The following TFEC variants were observed in gnomAD, a reference collection of about 807,000 sequenced individuals.
TFEC encodes the protein transcription factor EC, also known as class E basic helix-loop-helix protein 34.
Under a neutral mutation model 41.6 loss-of-function variants are expected in TFEC, and 31 were observed. The observed-to-expected ratio is 0.74, with a 90% CI of 0.56 to 1.01. The LOEUF is 1.01. Among genes scored for constraint, TFEC ranks in the 50% least tolerant of loss-of-function variants. The pLI is 0.00. For missense variants in TFEC, 402 were observed against 404.1 expected, an observed-to-expected ratio of 0.99 and a Z score of 0.04; for synonymous variants, 143 against 140.6, an observed-to-expected ratio of 1.02 and a Z score of -0.12.
intron 1 of TFEC, among the ~76,000 whole-genome samples, chr7:115,999,935 T>C (rs1794523572): frequency 6.9e-6 from 1 of 145,858 alleles, no homozygotes; most frequent in Admixed American, 6.8e-5. Context: ...TTCTGAAAAA[T>C]AAAGGAGGAG....
At position 115,935,726 on chromosome 7, in the gene TFEC, T is replaced by G. The variant is rs1793198044; in HGVS notation, c.*4825A>C. On this transcript the variant is annotated 3_prime_UTR_variant, in exon 8 of 8. Transcript: ENST00000265440. Reference sequence around the variant, plus strand: ...CAGTGACAATATAGAATTTTTGCAATAAAACAGTAGTGCAGGGATAAAAGA... The same window carrying G: ...CAGTGACAATATAGAATTTTTGCAAGAAAACAGTAGTGCAGGGATAAAAGA... The G allele has an allele frequency of 6.6e-6, 1 of 151,554 alleles. No homozygotes were observed. Among genetic ancestry groups the G allele is most frequent in the Non-Finnish European group, 1.5e-5 (1 of 67,568 alleles). The allele number at this position is 151,554 out of a possible 1,614,324, so 9.4% of individuals were successfully genotyped here.
intron 3 of TFEC, among the ~76,000 whole-genome samples, chr7:116,102,188 T>C (rs965487075): frequency 6.6e-5 from 10 of 152,108 alleles, no homozygotes; most frequent in East Asian, 5.8e-4. Flanking sequence ...GCGGGAGAAA[T>C]TGCCTAAGGA....
chr7:116,012,768 T>A (rs1418686983), intron 1 of TFEC, among the ~76,000 whole-genome samples: 4 of 143,772 alleles, frequency 2.8e-5, no homozygotes, highest in Non-Finnish European at 6.1e-5. Context: ...GTTGAATTTA[T>A]AACAAAGAAA....
At chr7:116,118,841 T>TA (rs1798049222) in intron 1 of TFEC, among the ~76,000 whole-genome samples, 1 of 151,838 alleles carries the variant, frequency 6.6e-6, no homozygotes, top group African/African-American at 2.4e-5. Context: ...TCTGGAGGTT[T>TA]ATAATGACAC....
intron 3 of TFEC, among the ~76,000 whole-genome samples, chr7:116,049,787 C>A (rs1268743545): frequency 1.3e-5 from 2 of 152,192 alleles, no homozygotes; most frequent in Non-Finnish European, 2.9e-5. Flanking sequence ...GTCTCTCAGA[C>A]CACAGTGCAA....
At chr7:116,114,152 A>G (rs1320751080) in intron 1 of TFEC, among the ~76,000 whole-genome samples, 1 of 152,092 alleles carries the variant, frequency 6.6e-6, no homozygotes, top group African/African-American at 2.4e-5. Context: ...TGCTTCACAC[A>G]TAGTAGATAC....
intron 1 of TFEC, 94 bp from the exon 2 acceptor site, chr7:115,984,607 T>C: frequency 1.4e-6 from 2 of 1,399,464 alleles, no homozygotes; most frequent in Non-Finnish European, 1.9e-6. Flanking sequence ...ATAAACACAC[T>C]ACACTATAGC....
At chr7:115,952,118 G>A (rs1228729161) in intron 5 of TFEC, among the ~76,000 whole-genome samples, 2 of 152,026 alleles carry the variant, frequency 1.3e-5, no homozygotes, top group Admixed American at 1.3e-4. Context: ...AATTGCCTTG[G>A]TGAACTTACT....
At chr7:116,122,792 C>T (rs1798133469) in intron 1 of TFEC, among the ~76,000 whole-genome samples, 1 of 152,034 alleles carries the variant, frequency 6.6e-6, no homozygotes, top group Non-Finnish European at 1.5e-5. Flanking sequence ...TTATTTAGCC[C>T]AGCTGCCTAT....
chr7:115,989,476 G>A (rs923165802), intron 1 of TFEC, among the ~76,000 whole-genome samples: 29 of 152,178 alleles, frequency 1.9e-4, no homozygotes, highest in Non-Finnish European at 4.1e-4. Context: ...ATAAGGGGTC[G>A]GGGAATTCTC....
chr7:115,960,797 G>A (rs1345696057), intron 3 of TFEC, among the ~76,000 whole-genome samples: 2 of 151,522 alleles, frequency 1.3e-5, no homozygotes, highest in Non-Finnish European at 3.0e-5. Flanking sequence ...ACAGTAAAAG[G>A]ACACATAAAG....
chr7:116,032,770 G>GTAAAC (rs1445337915), upstream of TFEC, among the ~76,000 whole-genome samples: 4 of 151,936 alleles, frequency 2.6e-5, no homozygotes, highest in African/African-American at 7.2e-5. Context: ...AATCTGTACA[G>GTAAAC]CAAACCCCCA....
At chr7:116,110,778 T>G in exon 3 of TFEC, 1 of 1,547,086 alleles carries the variant, frequency 6.5e-7, no homozygotes, top group Non-Finnish European at 8.7e-7. Context: ...CAACACTGGT[T>G]TGTATGAAAA....
At chr7:116,120,927 T>TA (rs1222397632) in intron 1 of TFEC, among the ~76,000 whole-genome samples, 1 of 151,976 alleles carries the variant, frequency 6.6e-6, no homozygotes, top group South Asian at 2.1e-4. Context: ...ACTGGTTCTA[T>TA]AAAAAACCCT....
At chr7:115,997,333 G>A (rs139741613) in intron 1 of TFEC, among the ~76,000 whole-genome samples, 4 of 151,474 alleles carry the variant, frequency 2.6e-5, no homozygotes, top group African/African-American at 4.8e-5. Flanking sequence ...ATCTAAGACC[G>A]CCAAGGTGGT....
chr7:115,962,166 T>C (rs1487135514), intron 3 of TFEC, among the ~76,000 whole-genome samples: 1 of 151,610 alleles, frequency 6.6e-6, no homozygotes, highest in African/African-American at 2.4e-5. Context: ...CACTGAAAAC[T>C]AAAAAATACT....
chr7:116,009,476 G>A (rs922822453), intron 1 of TFEC, among the ~76,000 whole-genome samples: 1 of 152,056 alleles, frequency 6.6e-6, no homozygotes, highest in African/African-American at 2.4e-5. Context: ...ATATTTTTGA[G>A]TGTCTACTAC....
chr7:116,003,300 T>A (rs1794669338), intron 1 of TFEC, among the ~76,000 whole-genome samples: 1 of 152,040 alleles, frequency 6.6e-6, no homozygotes, highest in Non-Finnish European at 1.5e-5. Context: ...AAAAGATTTA[T>A]TATGCTAACA....
At chr7:116,052,071 G>A (rs567768323) in intron 3 of TFEC, among the ~76,000 whole-genome samples, 1 of 151,034 alleles carries the variant, frequency 6.6e-6, no homozygotes, top group South Asian at 2.1e-4. Context: ...GTGCCTACTA[G>A]ATATCCATCA....
Sources: allele counts gnomAD v4.1 joint callset (sites outside exome capture counted in the v4.1 genomes callset), GRCh38; gene constraint gnomAD v4.1.1; transcripts MANE v1.5; gene names NCBI Gene and HGNC (gene_info 2026-07-23, HGNC 2026-07-21).